The following OTOF variants were observed in gnomAD, a reference collection of about 807,000 sequenced individuals.
OTOF encodes the protein otoferlin.
A neutral mutation model predicts 236.8 loss-of-function variants in OTOF; 218 were observed. The ratio of observed to expected loss-of-function variants is 0.92; its 90% CI spans 0.82 to 1.03. The LOEUF (loss-of-function observed/expected upper bound fraction) is 1.03, where lower values mean the gene tolerates loss of function less well. Among genes scored for constraint, OTOF ranks in the 50% least tolerant of loss-of-function variants. The pLI, the probability that OTOF is intolerant of heterozygous loss-of-function variation, is 0.00. For synonymous variants in OTOF, 1,041 were observed against 1,072.5 expected (o/e 0.97, Z 0.57); for missense variants, 2,590 against 2,694.4 (o/e 0.96, Z 0.86).
chr2:26,457,760 T>TG lies in OTOF; in HGVS notation c.*477dup. On this transcript the variant is annotated 3_prime_UTR_variant, in exon 47 of 47. Coordinates refer to ENST00000272371, the MANE Select transcript of OTOF (RefSeq NM_194248.3). The surrounding 1 kb of genome is among the most constrained non-coding windows in gnomAD (Gnocchi z 4.4). ...TCTGGAGCCTGGGCCTGAAGAAGGG[T>TG]GGCGCCTCAGCCAGGTGGGGCAAGA... is the stretch of plus-strand genomic sequence containing the variant. The TG allele has an allele frequency of 4.5e-6, 2 of 441,464 alleles. No homozygotes were observed. The highest frequency in any genetic ancestry group is 8.1e-6 in the Non-Finnish European group (2 of 245,874). The allele number at this position is 441,464 out of a possible 1,614,324, so 27.3% of individuals were successfully genotyped here.
Position 26,466,785 on chromosome 2 carries a change from T to C in OTOF, c.4429A>G (p.Thr1477Ala), listed in dbSNP as rs774713109. 5 of 1,614,020 alleles carry C rather than the reference T, an allele frequency of 3.1e-6. No individual in the cohort carries two copies. Among genetic ancestry groups the C allele is most frequent in the Non-Finnish European group, 4.2e-6 (5 of 1,180,022 alleles). The part of the protein sequence containing the change: ...DVSREAGYDS[T>A]YGMFQGIPSN... ...GGGATGCCCTGGAACATGCCGTAGG[T>C]GGAGTCGTAGCCGGCTTCCCGGGAC... Residue 1477 changes from threonine (T) to alanine (A), a missense_variant, in exon 36 of 47, where the codon ACC (threonine) becomes GCC (alanine). Transcript: ENST00000272371.
intron 1 of OTOF, among the ~76,000 whole-genome samples, chr2:26,546,467 G>GA (rs35043439): frequency 0.48 from 69,530 of 143,688 alleles, 16,544 homozygotes; most frequent in East Asian, 0.72. Context: ...GTCTCAAAAA[G>GA]AAAAAAAAAA....
chr2:26,517,028 C>T (rs1196410816), intron 4 of OTOF, among the ~76,000 whole-genome samples: 1 of 152,210 alleles, frequency 6.6e-6, no homozygotes, highest in Non-Finnish European at 1.5e-5. Flanking sequence ...CAGAAATCGG[C>T]TTGTTGGAAA....
intron 2 of OTOF, among the ~76,000 whole-genome samples, chr2:26,529,864 G>C (rs10181318): frequency 2.0e-5 from 3 of 151,654 alleles, no homozygotes; most frequent in South Asian, 4.2e-4. Flanking sequence ...GGCACAGGGC[G>C]GAGGGGTGCG....
In OTOF at chr2:26,501,681, T is replaced by G. The variant is rs909124475; in HGVS notation, c.765+73A>C. On this transcript the variant is annotated intron_variant, in intron 8 of 46. Transcript: ENST00000272371. ...TGGATCCATGCCTCAGTATAGTGGATAATGCACATCCGGCTAGAATCCCCC... is the reference window on the plus strand; with the variant it reads ...TGGATCCATGCCTCAGTATAGTGGAGAATGCACATCCGGCTAGAATCCCCC... 5.9e-6 allele frequency: 6 copies of G among 1,019,396 alleles called. No homozygotes were observed. In the African/African-American group the frequency reaches 9.4e-5, roughly 16 times the overall value. The allele number at this position is 1,019,396 out of a possible 1,614,324, so 63.1% of individuals were successfully genotyped here. A position where few individuals can be genotyped will look rare whatever the true frequency, so the allele number is the denominator to read the frequency against.
intron 2 of OTOF, among the ~76,000 whole-genome samples, chr2:26,531,676 G>A (rs903883179): frequency 6.6e-6 from 1 of 151,992 alleles, no homozygotes; most frequent in South Asian, 2.1e-4. Flanking sequence ...CATTTTTGTG[G>A]TTATGTCCTT....
At chr2:26,482,257 G>T in intron 14 of OTOF, 149 bp downstream of exon 14, 1 of 733,358 alleles carries the variant, frequency 1.4e-6, no homozygotes, top group Non-Finnish European at 2.3e-6. Flanking sequence ...CTCCCCCTGA[G>T]GCAGGGGCTG....
Position 26,467,404 on chromosome 2 carries a change from C to T in OTOF, c.4188G>A (p.Glu1396=), listed in dbSNP as rs778498978. ...TQSSGSGQGS[E]APEKKKPKID... Reference sequence around the variant, plus strand: ...TCTTGGGTTTCTTCTTCTCGGGGGCCTCGGACCCCTGGCCAGAGCCAGAGC... The same window carrying T: ...TCTTGGGTTTCTTCTTCTCGGGGGCTTCGGACCCCTGGCCAGAGCCAGAGC... The change falls in exon 34 of 47, where the codon GAG becomes GAA. Residue 1396 remains glutamate (E), a synonymous_variant. Transcript: ENST00000272371. 5.0e-6 allele frequency: 8 copies of T among 1,613,964 alleles called. No homozygotes were observed. Among genetic ancestry groups the T allele is most frequent in the East Asian group, 2.2e-5 (1 of 44,846 alleles).
intron 4 of OTOF, 119 bp from the exon 5 acceptor site, chr2:26,516,718 GT>G: frequency 9.6e-7 from 1 of 1,042,192 alleles, no homozygotes. Flanking sequence ...ACTGGAGGAG[GT>G]CAGGATGGTA....
At chr2:26,538,149 C>T (rs1306581491) in intron 1 of OTOF, among the ~76,000 whole-genome samples, 1 of 152,212 alleles carries the variant, frequency 6.6e-6, no homozygotes, top group Non-Finnish European at 1.5e-5. Context: ...GCTGGTGGCT[C>T]CGGGCCCTGC....
chr2:26,509,522 T>C (rs779727246), intron 5 of OTOF, among the ~76,000 whole-genome samples: 1 of 152,208 alleles, frequency 6.6e-6, no homozygotes, highest in Non-Finnish European at 1.5e-5. Context: ...TCATACCTTT[T>C]TTTGAAGCAA....
intron 18 of OTOF, chr2:26,478,085 G>A: frequency 7.2e-7 from 1 of 1,386,634 alleles, no homozygotes; most frequent in Non-Finnish European, 9.4e-7. Flanking sequence ...GAAACCCTAG[G>A]ACTGGATGTG....
At chr2:26,523,960 C>G (rs1175262877) in intron 3 of OTOF, among the ~76,000 whole-genome samples, 1 of 152,262 alleles carries the variant, frequency 6.6e-6, no homozygotes, top group South Asian at 2.1e-4. Flanking sequence ...CTGACCCCCA[C>G]AAGCTGGCCT....
chr2:26,523,024 G>A (rs1005927373), intron 3 of OTOF, among the ~76,000 whole-genome samples: 3 of 152,222 alleles, frequency 2.0e-5, no homozygotes, highest in Non-Finnish European at 2.9e-5. Context: ...ACAATAGAGC[G>A]GCAACTGGGC....
Position 26,502,354 on chromosome 2 carries a change from T to C in OTOF, c.656A>G (p.Asp219Gly), listed in dbSNP as rs571570579. Residue 219 changes from aspartate to glycine, a missense_variant, in exon 7 of 47, where the codon GAC becomes GGC. Physicochemically the swap from Asp to Gly is moderately conservative, Grantham distance 94. Around this residue, in one of 2 missense-constraint regions of OTOF, gnomAD observed 1,379 missense variants for 1,341.6 expected, o/e 1.03. Coordinates refer to ENST00000272371, the MANE Select transcript of OTOF (RefSeq NM_194248.3). ...AIRLGDGLDP[D>G]SVSLASVTAL... ...TGTGACTGAGGCTAGAGACACCGAG[T>C]CGGGATCCAGTCCATCTCCTAGCCG... 1 of 1,613,886 alleles carries C rather than the reference T, an allele frequency of 6.2e-7. No homozygotes were observed. The highest frequency in any genetic ancestry group is 2.2e-5 in the East Asian group (1 of 44,856).
At chr2:26,468,575 T>C (rs1664841530) in intron 32 of OTOF, 101 bp from the exon 33 acceptor site, 1 of 863,890 alleles carries the variant, frequency 1.2e-6, no homozygotes, top group Non-Finnish European at 2.0e-6. Context: ...GCACTAGAAG[T>C]AGAAAATCTT....
At chr2:26,507,031 C>G (rs1666266204) in intron 5 of OTOF, among the ~76,000 whole-genome samples, 1 of 152,194 alleles carries the variant, frequency 6.6e-6, no homozygotes, top group Admixed American at 6.5e-5. Context: ...CCAACTATCT[C>G]TACTACACCT....
At chr2:26,545,857 G>A (rs1203835856) in intron 1 of OTOF, among the ~76,000 whole-genome samples, 1 of 151,996 alleles carries the variant, frequency 6.6e-6, no homozygotes, top group Non-Finnish European at 1.5e-5. Context: ...TGCTCCATTG[G>A]TCTATATGTC....
At chr2:26,543,451 G>A (rs1221375360) in intron 1 of OTOF, among the ~76,000 whole-genome samples, 5 of 152,174 alleles carry the variant, frequency 3.3e-5, no homozygotes, top group African/African-American at 1.2e-4. Context: ...TCTAAGTAAA[G>A]CATCAAGTCC....
Sources: allele counts gnomAD v4.1 joint callset (sites outside exome capture counted in the v4.1 genomes callset), GRCh38; gene constraint gnomAD v4.1.1; regional missense constraint gnomAD v4.1.1; non-coding constraint Gnocchi (gnomAD v3.1); transcripts MANE v1.5; gene names NCBI Gene and HGNC (gene_info 2026-07-23, HGNC 2026-07-21).